Variants in FCHO2 observed in about 807,000 individuals in gnomAD.
FCHO2 encodes F-BAR domain only protein 2.
A neutral mutation model predicts 114.1 loss-of-function variants in FCHO2; 43 were observed. The ratio of observed to expected loss-of-function variants is 0.38; its 90% CI spans 0.30 to 0.49. The LOEUF is 0.49. FCHO2 is among the 20% of genes least tolerant of loss of function. FCHO2 has a pLI of 0.97. For synonymous variants in FCHO2, 293 were observed against 315.2 expected (o/e 0.93, Z 0.75); for missense variants, 807 against 950.4 (o/e 0.85, Z 1.98).
intron 8 of FCHO2, among the ~76,000 whole-genome samples, chr5:73,023,544 A>G (rs536317868): frequency 3.9e-5 from 6 of 152,216 alleles, no homozygotes; most frequent in African/African-American, 7.2e-5. Flanking sequence ...TCTACTAAAT[A>G]TAAAAATTAG....
intron 3 of FCHO2, among the ~76,000 whole-genome samples, chr5:72,989,729 A>G (rs1753724110): frequency 3.3e-5 from 5 of 152,114 alleles, no homozygotes; most frequent in Admixed American, 3.3e-4. Context: ...CTTTTTAAAA[A>G]CTAGTCATTC....
intron 16 of FCHO2, among the ~76,000 whole-genome samples, chr5:73,056,779 T>G (rs973624026): frequency 6.6e-6 from 1 of 152,228 alleles, no homozygotes; most frequent in African/African-American, 2.4e-5. Context: ...GACTGTGACG[T>G]TATAAAATAA....
At chr5:72,998,747 A>C (rs1298665132) in intron 5 of FCHO2, among the ~76,000 whole-genome samples, 2 of 151,288 alleles carry the variant, frequency 1.3e-5, no homozygotes, top group African/African-American at 2.4e-5. Context: ...TAGCGATTAC[A>C]CATAAATAAA....
intron 16 of FCHO2, 37 bp downstream of exon 16, chr5:73,056,144 T>G: frequency 6.8e-7 from 1 of 1,471,222 alleles, no homozygotes; most frequent in Non-Finnish European, 9.1e-7. Context: ...AAAAATAGAC[T>G]TTATTTTTTA....
chr5:73,086,389 G>T (rs1198579921), intron 24 of FCHO2, among the ~76,000 whole-genome samples: 1 of 152,160 alleles, frequency 6.6e-6, no homozygotes, highest in Non-Finnish European at 1.5e-5. Context: ...GATCAATGTT[G>T]TGACATCCTA....
intron 5 of FCHO2, among the ~76,000 whole-genome samples, chr5:72,995,413 G>T (rs1465461144): frequency 6.6e-6 from 1 of 151,944 alleles, no homozygotes; most frequent in Non-Finnish European, 1.5e-5. Flanking sequence ...GTGCCACCTC[G>T]CCTGGCTAAT....
Position 73,068,239 on chromosome 5 carries a change from TTTC to T in FCHO2, c.1450-403_1450-401del, listed in dbSNP as rs1189521194. 3.9e-5 allele frequency among the ~76,000 whole-genome samples: 6 copies of T among 152,218 alleles called. No individual in the cohort carries two copies. The South Asian group carries it at 8.3e-4, about 21-fold the overall frequency. On this transcript the variant is annotated intron_variant, in intron 18 of 25. Coordinates refer to ENST00000430046, the MANE Select transcript of FCHO2 (RefSeq NM_138782.3). ...AGCTAGAAAAAATTTTTAATCCCTT[TTTC>T]TTCTTCTGTGACTCATCCATTTGTT...
At chr5:72,974,191 T>C (rs992772249) in intron 2 of FCHO2, among the ~76,000 whole-genome samples, 18 of 146,418 alleles carry the variant, frequency 1.2e-4, no homozygotes, top group South Asian at 8.8e-4. Flanking sequence ...TGATTTGGGG[T>C]GGAGAGTTCT....
chr5:73,016,310 T>TTGTTTAAATATTAAAAAATATTTTAAAG (rs1391654596), intron 7 of FCHO2, among the ~76,000 whole-genome samples: 9 of 86,346 alleles, frequency 1.0e-4, no homozygotes, highest in African/African-American at 5.9e-4. Context: ...ATATTTTAAA[T>TTGTTTAAATATTAAAAAATATTTTAAAG]TGTTTAAATA....
chr5:73,041,326 T>G lies in FCHO2; in HGVS notation c.939+11T>G. 6.9e-7 allele frequency: 1 copy of G among 1,454,340 alleles called. No individual in the cohort carries two copies. Among genetic ancestry groups the G allele is most frequent in the Middle Eastern group, 1.8e-4 (1 of 5,676 alleles). 90.1% of individuals were successfully genotyped at this position (1,454,340 alleles called of 1,614,324 possible). A position where few individuals can be genotyped will look rare whatever the true frequency, so the allele number is the denominator to read the frequency against. On this transcript the variant is annotated intron_variant, in intron 11 of 25. Coordinates refer to ENST00000430046, the MANE Select transcript of FCHO2 (RefSeq NM_138782.3). ...GATGCAGATTCATTGGTAAGTAGAT[T>G]TAACTTTGATATAAACAATTTAAAT...
intron 8 of FCHO2, among the ~76,000 whole-genome samples, chr5:73,018,911 C>T (rs1372260463): frequency 3.3e-5 from 5 of 152,166 alleles, no homozygotes; most frequent in Non-Finnish European, 5.9e-5. Context: ...AGGAAACAAG[C>T]ACGCAAGCAG....
chr5:73,024,349 A>G (rs975544661), intron 8 of FCHO2, among the ~76,000 whole-genome samples: 1 of 152,102 alleles, frequency 6.6e-6, no homozygotes, highest in Admixed American at 6.5e-5. Context: ...GGTGTGAGCC[A>G]CTGTGCCTGG....
chr5:73,025,368 C>T (rs1362843172), intron 8 of FCHO2, among the ~76,000 whole-genome samples: 1 of 148,880 alleles, frequency 6.7e-6, no homozygotes, highest in East Asian at 2.0e-4. Context: ...ACCACCACAC[C>T]CAGCTAATTT....
chr5:72,963,168 T>TA (rs1751969380), intron 1 of FCHO2, among the ~76,000 whole-genome samples: 1 of 152,160 alleles, frequency 6.6e-6, no homozygotes. Context: ...TTATGGAAGA[T>TA]ATATCAAGCA....
At chr5:73,002,712 C>G (rs984183352) in intron 5 of FCHO2, among the ~76,000 whole-genome samples, 2 of 152,108 alleles carry the variant, frequency 1.3e-5, no homozygotes, top group African/African-American at 4.8e-5. Context: ...ATGTTTAGTT[C>G]CTAGCCTATC....
chr5:73,029,939 A>C, intron 8 of FCHO2, among the ~76,000 whole-genome samples: 1 of 152,178 alleles, frequency 6.6e-6, no homozygotes, highest in East Asian at 1.9e-4. Context: ...GGGTACAGAC[A>C]TCCAAACCGT....
At chr5:72,998,994 C>T (rs970509623) in intron 5 of FCHO2, among the ~76,000 whole-genome samples, 2 of 151,732 alleles carry the variant, frequency 1.3e-5, no homozygotes, top group African/African-American at 2.4e-5. Flanking sequence ...TCAGGCCCGG[C>T]TCATGATTTC....
intron 2 of FCHO2, among the ~76,000 whole-genome samples, chr5:72,970,061 C>T (rs1752435921): frequency 6.6e-6 from 1 of 152,138 alleles, no homozygotes; most frequent in Non-Finnish European, 1.5e-5. Context: ...TACAGTTGTT[C>T]TTGTTTTCCT....
At chr5:73,010,047 T>C (rs1754922150) in intron 6 of FCHO2, among the ~76,000 whole-genome samples, 1 of 152,216 alleles carries the variant, frequency 6.6e-6, no homozygotes, top group African/African-American at 2.4e-5. Flanking sequence ...GAGAATAGAC[T>C]TTAATTTGGG....
Sources: allele counts gnomAD v4.1 joint callset (sites outside exome capture counted in the v4.1 genomes callset), GRCh38; gene constraint gnomAD v4.1.1; transcripts MANE v1.5; gene names NCBI Gene and HGNC (gene_info 2026-07-23, HGNC 2026-07-21).